Variants in SLC2A9 observed in about 807,000 individuals in gnomAD.
SLC2A9 encodes the protein solute carrier family 2 member 9.
In SLC2A9, 39 loss-of-function variants were observed where a neutral mutation model predicts 50.6. That is an observed-to-expected ratio of 0.77 (90% CI 0.60 to 1.01). The LOEUF is 1.01. Among genes scored for constraint, SLC2A9 ranks in the 50% least tolerant of loss-of-function variants. The pLI is 0.00. For missense variants in SLC2A9, 686 were observed against 677.6 expected (o/e 1.01, Z -0.14); for synonymous variants, 324 against 276.9 (o/e 1.17, Z -1.69).
intron 5 of SLC2A9, among the ~76,000 whole-genome samples, chr4:9,962,762 A>C (rs1444344984): frequency 1.3e-5 from 2 of 152,186 alleles, no homozygotes; most frequent in African/African-American, 4.8e-5. Context: ...GTGTGACTGA[A>C]ACTGCAGATG....
intron 1 of SLC2A9, among the ~76,000 whole-genome samples, chr4:10,037,338 A>G (rs181519830): frequency 6.6e-6 from 1 of 152,146 alleles, no homozygotes; most frequent in Non-Finnish European, 1.5e-5. Flanking sequence ...GGTACGGTAT[A>G]TGACCTTTTG....
rs777215628 is a variant in SLC2A9 at position 9,845,479 on chromosome 4, G to GAC, written c.1292-10472_1292-10471insGT. 2.9e-4 allele frequency among the ~76,000 whole-genome samples: 39 copies of GAC among 136,212 alleles called. 1 individual carries two copies. The East Asian group carries it at 7.6e-3, about 26-fold the overall frequency. 89.4% of individuals were successfully genotyped at this position (136,212 alleles called of 152,430 possible). A position where few individuals can be genotyped will look rare whatever the true frequency, so the allele number is the denominator to read the frequency against. On this transcript the variant is annotated intron_variant, in intron 10 of 11. Coordinates refer to ENST00000264784, the MANE Select transcript of SLC2A9 (RefSeq NM_020041.3). ...GAGTCTCGCTCTGTCGCCCAGGCTG[G>GAC]AGTGCAGTGGCGCGATCTCGGCTCA...
intron 2 of SLC2A9, among the ~76,000 whole-genome samples, chr4:10,011,337 C>CA (rs537716847): frequency 6.0e-4 from 91 of 152,294 alleles, no homozygotes; most frequent in African/African-American, 2.1e-3. Flanking sequence ...CAGAACCCCC[C>CA]ACTCCAGTCT....
At chr4:9,881,091 C>A (rs977447274) in intron 10 of SLC2A9, among the ~76,000 whole-genome samples, 1 of 152,242 alleles carries the variant, frequency 6.6e-6, no homozygotes, top group Admixed American at 6.5e-5. Flanking sequence ...GAGCACTTAG[C>A]TGTCATCAGA....
chr4:9,785,550 A>G (rs1407202598), intron 3 of SLC2A9, among the ~76,000 whole-genome samples: 1 of 152,360 alleles, frequency 6.6e-6, no homozygotes, highest in South Asian at 2.1e-4. Context: ...AAGAGTTGCT[A>G]TAAGCAAAAT....
At chr4:9,821,732 G>T (rs932532042), downstream of SLC2A9, among the ~76,000 whole-genome samples, 6 of 152,122 alleles carry the variant, frequency 3.9e-5, no homozygotes, top group African/African-American at 1.4e-4. Flanking sequence ...TATTATTTTG[G>T]TATCAGGTTT....
At chr4:9,846,657 G>A (rs1018402966) in intron 10 of SLC2A9, among the ~76,000 whole-genome samples, 2 of 152,130 alleles carry the variant, frequency 1.3e-5, no homozygotes, top group East Asian at 3.9e-4. Context: ...TGCTTACTTG[G>A]CACATGGCAA....
At chr4:9,858,022 T>C (rs899884544) in intron 10 of SLC2A9, among the ~76,000 whole-genome samples, 2 of 152,168 alleles carry the variant, frequency 1.3e-5, no homozygotes, top group Non-Finnish European at 1.5e-5. Context: ...CCCTTCAGAG[T>C]CAGCAAATCA....
chr4:10,006,164 G>C (rs1038885129), intron 2 of SLC2A9, among the ~76,000 whole-genome samples: 1 of 152,124 alleles, frequency 6.6e-6, no homozygotes, highest in African/African-American at 2.4e-5. Flanking sequence ...GGAACCTGGG[G>C]ACCAAGCCTC....
intron 7 of SLC2A9, among the ~76,000 whole-genome samples, chr4:9,909,053 C>T (rs772778731): frequency 7.2e-5 from 11 of 152,180 alleles, no homozygotes; most frequent in South Asian, 4.1e-4. Flanking sequence ...CTACACAAAA[C>T]GCTTTACTGT....
At chr4:9,904,794 A>C (rs912101008) in intron 8 of SLC2A9, among the ~76,000 whole-genome samples, 1 of 149,464 alleles carries the variant, frequency 6.7e-6, no homozygotes, top group Non-Finnish European at 1.5e-5. Flanking sequence ...TCTATTCCAC[A>C]CTCTCAACCT....
chr4:9,843,764 A>T (rs1728475866), intron 10 of SLC2A9, among the ~76,000 whole-genome samples: 1 of 152,172 alleles, frequency 6.6e-6, no homozygotes, highest in Non-Finnish European at 1.5e-5. Flanking sequence ...GCTTTTAATG[A>T]TGATTATTAT....
intron 6 of SLC2A9, among the ~76,000 whole-genome samples, chr4:9,940,728 A>T (rs2110260290): frequency 6.6e-6 from 1 of 152,350 alleles, no homozygotes; most frequent in East Asian, 1.9e-4. Context: ...GAGAAAATGA[A>T]TCTGATCCAT....
chr4:10,039,499 G>C (rs1225032942), intron 1 of SLC2A9, among the ~76,000 whole-genome samples: 1 of 152,180 alleles, frequency 6.6e-6, no homozygotes, highest in Non-Finnish European at 1.5e-5. Flanking sequence ...CTATCTTCAT[G>C]AACAATAACA....
intron 1 of SLC2A9, among the ~76,000 whole-genome samples, chr4:10,020,963 C>T (rs1002679871): frequency 6.6e-6 from 1 of 152,210 alleles, no homozygotes; most frequent in Non-Finnish European, 1.5e-5. Context: ...GCTGCCCGTG[C>T]CATGCCCTGG....
chr4:10,000,615 A>G (rs1485069980), intron 2 of SLC2A9, among the ~76,000 whole-genome samples: 1 of 152,198 alleles, frequency 6.6e-6, no homozygotes, highest in Non-Finnish European at 1.5e-5. Context: ...TTTTGGCTAC[A>G]TGCTTTTCTA....
chr4:9,913,703 T>G (rs1742331337), intron 7 of SLC2A9, among the ~76,000 whole-genome samples: 1 of 152,188 alleles, frequency 6.6e-6, no homozygotes, highest in South Asian at 2.1e-4. Flanking sequence ...GCTGGAGATG[T>G]GTCTGCTGCC....
At chr4:9,932,951 C>A (rs1159613401) in intron 6 of SLC2A9, among the ~76,000 whole-genome samples, 2 of 152,224 alleles carry the variant, frequency 1.3e-5, no homozygotes. Context: ...AGCTGTGGCT[C>A]CTGGTTAGCC....
At chr4:9,957,422 C>A (rs1393620881) in intron 5 of SLC2A9, among the ~76,000 whole-genome samples, 1 of 152,154 alleles carries the variant, frequency 6.6e-6, no homozygotes, top group East Asian at 1.9e-4. Flanking sequence ...CTTTTGCTCA[C>A]CTTCTTTTTA....
Sources: allele counts gnomAD v4.1 joint callset (sites outside exome capture counted in the v4.1 genomes callset), GRCh38; gene constraint gnomAD v4.1.1; transcripts MANE v1.5; gene names NCBI Gene and HGNC (gene_info 2026-07-23, HGNC 2026-07-21).